Variants in COL21A1 observed in about 807,000 individuals in gnomAD.
The protein encoded by COL21A1 is collagen alpha-1(XXI) chain.
A neutral mutation model predicts 137.9 loss-of-function variants in COL21A1; 149 were observed. The observed-to-expected ratio is 1.08, with a 90% CI of 0.95 to 1.24. The LOEUF (loss-of-function observed/expected upper bound fraction) is 1.24. Among genes scored for constraint, COL21A1 ranks in the 50% most tolerant of loss-of-function variants. The pLI is 0.00. For missense variants in COL21A1, 1,167 were observed against 1,158.4 expected, an observed-to-expected ratio of 1.01 and a Z score of -0.11; for synonymous variants, 456 against 391.5, an observed-to-expected ratio of 1.16 and a Z score of -1.95.
intron 1 of COL21A1, among the ~76,000 whole-genome samples, chr6:56,246,465 G>T (rs569986928): frequency 3.3e-5 from 2 of 61,280 alleles, no homozygotes; most frequent in Non-Finnish European, 6.2e-5. Context: ...AAAGTCCCCA[G>T]TATGCTTTTT....
chr6:56,214,269 G>A (rs2152308213), intron 1 of COL21A1, among the ~76,000 whole-genome samples: 2 of 151,942 alleles, frequency 1.3e-5, no homozygotes, highest in Middle Eastern at 3.4e-3. Flanking sequence ...TGGCAATTTG[G>A]GCTAATTTCA....
chr6:56,188,668 T>A (rs1245132691), intron 1 of COL21A1, among the ~76,000 whole-genome samples: 1 of 152,206 alleles, frequency 6.6e-6, no homozygotes, highest in African/African-American at 2.4e-5. Flanking sequence ...CGTGGGTCCC[T>A]GACGCCCGTT....
chr6:56,340,662 T>C (rs1325163404), intron 1 of COL21A1, among the ~76,000 whole-genome samples: 2 of 152,168 alleles, frequency 1.3e-5, no homozygotes, highest in African/African-American at 4.8e-5. Flanking sequence ...CAAGTAGCAA[T>C]TTGGCTTTCC....
chr6:56,132,011 C>T (rs1773590935), intron 12 of COL21A1, among the ~76,000 whole-genome samples: 1 of 151,528 alleles, frequency 6.6e-6, no homozygotes, highest in African/African-American at 2.4e-5. Context: ...TCTAATATGT[C>T]AATAGATCTA....
chr6:56,125,154 G>A (rs920414393), intron 14 of COL21A1, among the ~76,000 whole-genome samples: 2 of 150,984 alleles, frequency 1.3e-5, no homozygotes, highest in South Asian at 2.1e-4. Context: ...CTGAGCAGCT[G>A]GGACTACAGG....
At chr6:56,089,235 C>T (rs1768557196) in intron 17 of COL21A1, among the ~76,000 whole-genome samples, 1 of 152,122 alleles carries the variant, frequency 6.6e-6, no homozygotes, top group Non-Finnish European at 1.5e-5. Context: ...GAAATTATTA[C>T]AGTAATACAA....
At chr6:56,323,727 C>G (rs941865053) in intron 1 of COL21A1, among the ~76,000 whole-genome samples, 1 of 152,032 alleles carries the variant, frequency 6.6e-6, no homozygotes, top group Non-Finnish European at 1.5e-5. Flanking sequence ...CTTAAGTGTT[C>G]AATCTAAAAT....
intron 1 of COL21A1, among the ~76,000 whole-genome samples, chr6:56,306,389 T>G (rs1190950191): frequency 6.6e-6 from 1 of 152,118 alleles, no homozygotes; most frequent in East Asian, 1.9e-4. Flanking sequence ...AGATTTGGTC[T>G]TTTCACATAG....
chr6:56,392,723 C>T (rs1284210563), intron 1 of COL21A1, among the ~76,000 whole-genome samples: 2 of 151,904 alleles, frequency 1.3e-5, no homozygotes, highest in Non-Finnish European at 2.9e-5. Context: ...AAAAAGAAAC[C>T]AAGAAAGTAA....
intron 3 of COL21A1, among the ~76,000 whole-genome samples, chr6:56,174,519 C>T (rs1247507961): frequency 6.6e-6 from 1 of 151,802 alleles, no homozygotes; most frequent in Non-Finnish European, 1.5e-5. Context: ...TTTAAGTGAC[C>T]ACTATGAACG....
chr6:56,140,043 T>C (rs1258773108), intron 12 of COL21A1, among the ~76,000 whole-genome samples: 1 of 152,174 alleles, frequency 6.6e-6, no homozygotes, highest in Non-Finnish European at 1.5e-5. Context: ...TCTGTAAAAT[T>C]GAATTTGCCA....
At chr6:56,295,473 C>T (rs1405736818) in intron 1 of COL21A1, among the ~76,000 whole-genome samples, 3 of 152,008 alleles carry the variant, frequency 2.0e-5, no homozygotes, top group Non-Finnish European at 2.9e-5. Context: ...TGTCAACATC[C>T]ACAAAGTAAC....
intron 1 of COL21A1, among the ~76,000 whole-genome samples, chr6:56,382,913 A>C (rs1470619844): frequency 6.6e-6 from 1 of 152,184 alleles, no homozygotes; most frequent in African/African-American, 2.4e-5. Context: ...GGTTGTGAAC[A>C]GTCTACTCTG....
intron 1 of COL21A1, among the ~76,000 whole-genome samples, chr6:56,279,816 G>A (rs961372305): frequency 5.3e-5 from 8 of 152,164 alleles, no homozygotes; most frequent in African/African-American, 1.7e-4. Flanking sequence ...TTTGCATCTT[G>A]ACTATGTGAT....
intron 1 of COL21A1, among the ~76,000 whole-genome samples, chr6:56,190,816 T>C (rs1397598073): frequency 6.6e-6 from 1 of 152,170 alleles, no homozygotes; most frequent in Non-Finnish European, 1.5e-5. Context: ...ATTCATCACA[T>C]AAACAGCAAC....
At chr6:56,187,343 C>G (rs148520418) in intron 1 of COL21A1, among the ~76,000 whole-genome samples, 2 of 152,154 alleles carry the variant, frequency 1.3e-5, no homozygotes, top group African/African-American at 4.8e-5. Flanking sequence ...ATGACCCAAT[C>G]ACCTCTTAAA....
intron 1 of COL21A1, among the ~76,000 whole-genome samples, chr6:56,199,676 G>T (rs1779247220): frequency 6.6e-6 from 1 of 152,138 alleles, no homozygotes; most frequent in South Asian, 2.1e-4. Flanking sequence ...TCTTGAGAAT[G>T]TTGAGAGAAT....
At chr6:56,164,578 G>A in intron 8 of COL21A1, 72 bp from the exon 9 acceptor site, 2 of 1,133,772 alleles carry the variant, frequency 1.8e-6, no homozygotes, top group South Asian at 1.4e-5. Flanking sequence ...GTATGTTTAT[G>A]CATTTATATA....
At chr6:56,283,624 C>T (rs1039183499) in intron 1 of COL21A1, among the ~76,000 whole-genome samples, 6 of 152,146 alleles carry the variant, frequency 3.9e-5, no homozygotes, top group East Asian at 1.9e-4. Flanking sequence ...TGCTCAGTGA[C>T]GGGCTGGTGA....
Sources: gnomAD v4.1 joint callset for allele counts (sites outside exome capture counted in the v4.1 genomes callset) on GRCh38, gnomAD v4.1.1 for gene constraint, MANE v1.5 for transcripts, NCBI Gene and HGNC (gene_info 2026-07-23, HGNC 2026-07-21) for gene names.